Variants in PCDH11X observed in about 807,000 individuals in gnomAD.
PCDH11X encodes the protein protocadherin-11 X-linked.
PCDH11X carries 18 observed loss-of-function variants against 53.3 expected under a neutral mutation model. That is an observed-to-expected ratio of 0.34 (90% CI 0.23 to 0.50). The LOEUF (loss-of-function observed/expected upper bound fraction) is 0.50. Among genes scored for constraint, PCDH11X ranks in the 20% least tolerant of loss-of-function variants. The pLI, the probability that PCDH11X is intolerant of heterozygous loss-of-function variation, is 0.98. For synonymous variants in PCDH11X, 279 were observed against 393.3 expected (o/e 0.71, Z 3.44); for missense variants, 570 against 1,032.4 (o/e 0.55, Z 6.14).
intron 6 of PCDH11X, among the ~76,000 whole-genome samples, chrX:92,019,900 G>T (rs1309522727): frequency 9.0e-6 from 1 of 111,630 alleles, no homozygotes; most frequent in Non-Finnish European, 1.9e-5. Flanking sequence ...TGACTCGGCA[G>T]CTGGCGTGGT....
chrX:92,114,298 G>C (rs1456848648), intron 6 of PCDH11X: 1 of 866,269 alleles, frequency 1.2e-6, no homozygotes, highest in Non-Finnish European at 1.7e-6. Context: ...GATGGCAGAG[G>C]GCTTCTCAAA....
chrX:91,845,571 G>A (rs953831655), intron 5 of PCDH11X, among the ~76,000 whole-genome samples: 1 of 111,023 alleles, frequency 9.0e-6, no homozygotes, highest in Non-Finnish European at 1.9e-5. Flanking sequence ...TCATGGGCCT[G>A]GAAAAGTGAA....
intron 10 of PCDH11X, among the ~76,000 whole-genome samples, chrX:92,592,260 T>C (rs1602403716): frequency 2.4e-5 from 2 of 83,624 alleles, no homozygotes; most frequent in Admixed American, 1.5e-4. Flanking sequence ...TATTGATATT[T>C]TTTCCCTCCA....
intron 6 of PCDH11X, among the ~76,000 whole-genome samples, chrX:92,176,695 G>A (rs982201451): frequency 1.8e-5 from 2 of 111,574 alleles, no homozygotes; most frequent in Admixed American, 9.6e-5. Context: ...ACCCACATGC[G>A]ACATTTAAGA....
rs1019319467 is a variant in PCDH11X at position 92,230,463 on chromosome X, T to A, written c.3114+29008T>A. 1.3e-4 allele frequency among the ~76,000 whole-genome samples: 9 copies of A among 70,010 alleles called. No individual in the cohort carries two copies. The South Asian group carries it at 1.9e-3, about 15-fold the overall frequency. 60.8% of individuals were successfully genotyped at this position (70,010 alleles called of 115,157 possible). A position where few individuals can be genotyped will look rare whatever the true frequency, so the allele number is the denominator to read the frequency against. On this transcript the variant is annotated intron_variant, in intron 7 of 10. Coordinates refer to ENST00000682573, the MANE Select transcript of PCDH11X (RefSeq NM_032968.5). Reference sequence around the variant, plus strand: ...ATATATTTATATATAATTTATAAAATATATATTATATATAATATATATAAA... The same window carrying A: ...ATATATTTATATATAATTTATAAAAAATATATTATATATAATATATATAAA...
intron 10 of PCDH11X, among the ~76,000 whole-genome samples, chrX:92,523,153 C>T (rs2074395125): frequency 8.9e-6 from 1 of 112,202 alleles, no homozygotes; most frequent in Non-Finnish European, 1.9e-5. Context: ...GCAATCCATT[C>T]TGTCGTTGCT....
chrX:91,887,922 G>C (rs2147757738), intron 6 of PCDH11X, among the ~76,000 whole-genome samples: 1 of 111,428 alleles, frequency 9.0e-6, no homozygotes, highest in South Asian at 3.7e-4. Flanking sequence ...AAAATATCAA[G>C]TCTTGATGAA....
intron 4 of PCDH11X, among the ~76,000 whole-genome samples, chrX:91,825,443 T>C (rs1936883156): frequency 1.8e-5 from 2 of 111,863 alleles, no homozygotes; most frequent in Admixed American, 9.4e-5. Context: ...ATTTTCCAGG[T>C]GCCGTCCGTC....
At chrX:92,580,643 C>G (rs1023000689) in intron 10 of PCDH11X, among the ~76,000 whole-genome samples, 1 of 111,365 alleles carries the variant, frequency 9.0e-6, no homozygotes, top group Non-Finnish European at 1.9e-5. Flanking sequence ...GGCCCTCCCC[C>G]TGGGATCTCA....
intron 6 of PCDH11X, among the ~76,000 whole-genome samples, chrX:91,946,568 T>TATAC (rs2061575761): frequency 1.3e-5 from 1 of 79,969 alleles, no homozygotes; most frequent in Non-Finnish European, 2.4e-5. Context: ...CATATATATA[T>TATAC]ATATATATAT....
At chrX:92,048,996 T>C in intron 6 of PCDH11X, among the ~76,000 whole-genome samples, 1 of 112,007 alleles carries the variant, frequency 8.9e-6, no homozygotes, top group Non-Finnish European at 1.9e-5. Context: ...GTTGAGTTTA[T>C]CTGAAGACCT....
intron 1 of PCDH11X, among the ~76,000 whole-genome samples, chrX:91,781,865 C>A (rs1002370837): frequency 1.7e-4 from 19 of 112,680 alleles, no homozygotes; most frequent in Non-Finnish European, 3.4e-4. Flanking sequence ...TACCTTTCTC[C>A]CTCGACTAAA....
rs1209202704 is a variant in PCDH11X at position 92,619,128 on chromosome X, A to T, written c.*188A>T. ...AAAAATTGCAATTTGTTTAATTCAGAATGTGTATTTAAAAAGAAAAGGAAT... is the reference window on the plus strand; with the variant it reads ...AAAAATTGCAATTTGTTTAATTCAGTATGTGTATTTAAAAAGAAAAGGAAT... On this transcript the variant is annotated 3_prime_UTR_variant, in exon 11 of 11. Transcript: ENST00000682573. 1 of 477,019 alleles carries T rather than the reference A, an allele frequency of 2.1e-6. No homozygotes were observed. Among genetic ancestry groups the T allele is most frequent in the African/African-American group, 2.5e-5 (1 of 40,679 alleles). 39.3% of individuals were successfully genotyped at this position (477,019 alleles called of 1,213,427 possible).
chrX:92,068,159 T>C (rs1332858765), intron 6 of PCDH11X, among the ~76,000 whole-genome samples: 2 of 109,190 alleles, frequency 1.8e-5, no homozygotes, highest in Non-Finnish European at 3.8e-5. Context: ...CATTTAATTG[T>C]TCTGATCTTT....
In PCDH11X at chrX:92,182,348, C is replaced by T. The variant is rs1292586316; in HGVS notation, c.3034-19027C>T. On this transcript the variant is annotated intron_variant, in intron 6 of 10. Coordinates refer to ENST00000682573, the MANE Select transcript of PCDH11X (RefSeq NM_032968.5). ...AGTAACTAACTTGCTTTTCATTTTA[C>T]AAGCTCATAGGTGGAAGGGACTTGC... Among the ~76,000 whole-genome samples the T allele has an allele frequency of 4.5e-5, 5 of 112,167 alleles. No individual in the cohort carries two copies. In the South Asian group the frequency reaches 1.1e-3, roughly 25 times the overall value.
At chrX:91,911,249 G>A (rs1371609323) in intron 6 of PCDH11X, among the ~76,000 whole-genome samples, 11 of 109,209 alleles carry the variant, frequency 1.0e-4, no homozygotes, top group Admixed American at 3.9e-4. Context: ...CACTTTTCAT[G>A]TCCAGGGATA....
At chrX:92,363,252 C>A in intron 8 of PCDH11X, among the ~76,000 whole-genome samples, 1 of 108,460 alleles carries the variant, frequency 9.2e-6, no homozygotes, top group Non-Finnish European at 1.9e-5. Flanking sequence ...AGTGTTGAAC[C>A]ATGTACAATA....
chrX:92,403,346 T>G (rs868504165), intron 9 of PCDH11X, among the ~76,000 whole-genome samples: 11 of 95,904 alleles, frequency 1.1e-4, no homozygotes, highest in Non-Finnish European at 1.8e-4. Context: ...TTTGTTTTTT[T>G]TTTTTTTTTT....
chrX:91,985,706 C>T (rs1245974989), intron 6 of PCDH11X, among the ~76,000 whole-genome samples: 1 of 111,084 alleles, frequency 9.0e-6, no homozygotes, highest in Non-Finnish European at 1.9e-5. Context: ...TAAATACAAC[C>T]TTCTTGTCTT....
Sources: allele counts gnomAD v4.1 joint callset (sites outside exome capture counted in the v4.1 genomes callset), GRCh38; gene constraint gnomAD v4.1.1; transcripts MANE v1.5; gene names NCBI Gene and HGNC (gene_info 2026-07-23, HGNC 2026-07-21).